ARHGAP35: variants seen among roughly 807,000 people sequenced by gnomAD.
ARHGAP35 encodes rho GTPase-activating protein 35.
In ARHGAP35, 15 loss-of-function variants were observed where a neutral mutation model predicts 111.1. The ratio of observed to expected loss-of-function variants is 0.13; its 90% CI spans 0.09 to 0.21. The LOEUF is 0.21. Ranked by LOEUF, ARHGAP35 falls within the 10% of genes least tolerant of loss-of-function variation. The pLI is 1.00. For missense variants in ARHGAP35, 1,262 were observed against 1,873.0 expected, an observed-to-expected ratio of 0.67 and a Z score of 6.02; for synonymous variants, 643 against 710.3, an observed-to-expected ratio of 0.91 and a Z score of 1.51.
At chr19:46,905,973 C>T (rs1164435061) in intron 1 of ARHGAP35, among the ~76,000 whole-genome samples, 4 of 151,738 alleles carry the variant, frequency 2.6e-5, no homozygotes, top group African/African-American at 4.8e-5. Flanking sequence ...CGTGAGCCAC[C>T]GTGCCTGGCC....
chr19:46,880,528 T>A (rs763267618), intron 1 of ARHGAP35, among the ~76,000 whole-genome samples: 1 of 152,188 alleles, frequency 6.6e-6, no homozygotes, highest in Non-Finnish European at 1.5e-5. Context: ...GTAGTTCACT[T>A]TCCACCACAT....
chr19:46,885,077 T>C, intron 1 of ARHGAP35, among the ~76,000 whole-genome samples: 1 of 152,182 alleles, frequency 6.6e-6, no homozygotes, highest in African/African-American at 2.4e-5. Context: ...CCCCATGGCT[T>C]TGGGCATTAT....
intron 1 of ARHGAP35, among the ~76,000 whole-genome samples, chr19:46,910,613 A>T (rs1483640231): frequency 1.3e-5 from 2 of 151,542 alleles, no homozygotes; most frequent in South Asian, 4.2e-4. Context: ...TTTTTGAGAC[A>T]GGGTTGCACT....
At chr19:46,868,470 G>A (rs2055870064) in intron 1 of ARHGAP35, among the ~76,000 whole-genome samples, 1 of 152,178 alleles carries the variant, frequency 6.6e-6, no homozygotes, top group South Asian at 2.1e-4. Context: ...TAGTCTTGAA[G>A]ACTTTCATAT....
chr19:46,897,146 G>A (rs779610159), intron 1 of ARHGAP35, among the ~76,000 whole-genome samples: 3 of 146,786 alleles, frequency 2.0e-5, no homozygotes, highest in Non-Finnish European at 4.5e-5. Flanking sequence ...CAATCCACCC[G>A]CCTCAGCCTC....
chr19:46,899,105 C>T (rs577675459), intron 1 of ARHGAP35, among the ~76,000 whole-genome samples: 2 of 152,092 alleles, frequency 1.3e-5, no homozygotes, highest in African/African-American at 2.4e-5. Context: ...TGTAGAAGGG[C>T]GCGTTTGACC....
intron 1 of ARHGAP35, among the ~76,000 whole-genome samples, chr19:46,913,395 A>G (rs1347196490): frequency 6.6e-6 from 1 of 151,896 alleles, no homozygotes; most frequent in African/African-American, 2.4e-5. Flanking sequence ...AGGTCCTACA[A>G]AAATGTGTGC....
intron 1 of ARHGAP35, among the ~76,000 whole-genome samples, chr19:46,915,729 G>A (rs969341518): frequency 2.6e-5 from 4 of 152,162 alleles, no homozygotes; most frequent in Non-Finnish European, 5.9e-5. Flanking sequence ...TTGGCTGCAG[G>A]TTCAGTGCTT....
intron 2 of ARHGAP35, among the ~76,000 whole-genome samples, chr19:46,927,265 C>T (rs143576498): frequency 6.6e-6 from 1 of 152,234 alleles, no homozygotes; most frequent in Non-Finnish European, 1.5e-5. Context: ...GTTGGGTGCC[C>T]TAGGTGTGGT....
chr19:46,884,493 C>CTTTTTTTTTTTTTT, intron 1 of ARHGAP35, among the ~76,000 whole-genome samples: 1 of 111,976 alleles, frequency 8.9e-6, no homozygotes, highest in Non-Finnish European at 1.8e-5. Context: ...TGATGATATC[C>CTTTTTTTTTTTTTT]TTTTTTTTTT....
chr19:46,974,131 A>C (rs1216783510), intron 3 of ARHGAP35, among the ~76,000 whole-genome samples: 1 of 152,196 alleles, frequency 6.6e-6, no homozygotes, highest in Non-Finnish European at 1.5e-5. Flanking sequence ...AGTAGCTGGG[A>C]CTACAGGTGT....
intron 1 of ARHGAP35, among the ~76,000 whole-genome samples, chr19:46,898,370 A>C (rs545473832): frequency 5.0e-4 from 76 of 152,346 alleles, no homozygotes; most frequent in Admixed American, 1.7e-3. Context: ...TTTCCTAAAA[A>C]ATTAAAAAGA....
At chr19:46,903,402 C>T (rs2056091099) in intron 1 of ARHGAP35, among the ~76,000 whole-genome samples, 1 of 152,112 alleles carries the variant, frequency 6.6e-6, no homozygotes, top group Non-Finnish European at 1.5e-5. Context: ...TGTGCTCTTC[C>T]CAGGGCCATT....
chr19:47,004,624 A>G lies in ARHGAP35; in HGVS notation c.*3936A>G, dbSNP rs2056766330. 1 of 152,700 alleles carries G rather than the reference A, an allele frequency of 6.5e-6. No individual in the cohort carries two copies. Among genetic ancestry groups the G allele is most frequent in the African/African-American group, 2.4e-5 (1 of 41,470 alleles). The allele number at this position is 152,700 out of a possible 1,614,324, so 9.5% of individuals were successfully genotyped here. A position where few individuals can be genotyped will look rare whatever the true frequency, so the allele number is the denominator to read the frequency against. ...TTCACATGTTAAATGATCTTTATATATGTTGAATTAACAAATATTTTGAGT... is the reference window on the plus strand; with the variant it reads ...TTCACATGTTAAATGATCTTTATATGTGTTGAATTAACAAATATTTTGAGT... On this transcript the variant is annotated 3_prime_UTR_variant, in exon 7 of 7. Transcript: ENST00000672722.
At chr19:46,902,782 A>G (rs192376653) in intron 1 of ARHGAP35, among the ~76,000 whole-genome samples, 1 of 152,166 alleles carries the variant, frequency 6.6e-6, no homozygotes, top group South Asian at 2.1e-4. Flanking sequence ...GAATATTTAC[A>G]TTCAAGGAAC....
intron 3 of ARHGAP35, among the ~76,000 whole-genome samples, chr19:46,957,240 C>T (rs1162126567): frequency 2.0e-5 from 3 of 152,114 alleles, no homozygotes; most frequent in Non-Finnish European, 4.4e-5. Context: ...GGATTACAGG[C>T]GTGAGCCACT....
Position 47,001,409 on chromosome 19 carries a change from A to T in ARHGAP35, c.*721A>T, listed in dbSNP as rs985727943. On this transcript the variant is annotated 3_prime_UTR_variant, in exon 7 of 7. Transcript: ENST00000672722. This position sits in a 1 kb window ranked among gnomAD's most constrained non-coding sequence, Gnocchi z 5.4. ...ATGGAAAAACCCTTCCAGTAATTAA[A>T]AAGGAAGAAACCACAGAAAGAAAAC... is the stretch of plus-strand genomic sequence containing the variant. 236 of 1,284,658 alleles carry T rather than the reference A, an allele frequency of 1.8e-4. No individual in the cohort carries two copies. The highest frequency in any genetic ancestry group is 2.3e-4 in the Non-Finnish European group (225 of 984,492). The allele number at this position is 1,284,658 out of a possible 1,614,324, so 79.6% of individuals were successfully genotyped here. A position where few individuals can be genotyped will look rare whatever the true frequency, so the allele number is the denominator to read the frequency against.
chr19:46,890,835 C>T (rs184997232), intron 1 of ARHGAP35, among the ~76,000 whole-genome samples: 12 of 152,282 alleles, frequency 7.9e-5, no homozygotes, highest in East Asian at 3.9e-4. Context: ...CAACAGTATA[C>T]GGTTCTGTTT....
chr19:46,888,333 T>TACACACACACAC (rs72465629), intron 1 of ARHGAP35, among the ~76,000 whole-genome samples: 14 of 67,426 alleles, frequency 2.1e-4, no homozygotes, highest in African/African-American at 8.2e-4. Context: ...ATTGATTTTA[T>TACACACACACAC]ACACACACAC....
Sources: gnomAD v4.1 joint callset for allele counts (sites outside exome capture counted in the v4.1 genomes callset) on GRCh38, gnomAD v4.1.1 for gene constraint, Gnocchi (gnomAD v3.1) non-coding constraint, MANE v1.5 for transcripts, NCBI Gene and HGNC (gene_info 2026-07-23, HGNC 2026-07-21) for gene names.